The following LHFPL5 variants were observed in gnomAD, a reference collection of about 807,000 sequenced individuals.
The protein encoded by LHFPL5 is LHFPL tetraspan subfamily member 5 protein.
Under a neutral mutation model 18.7 loss-of-function variants are expected in LHFPL5, and 12 were observed. The ratio of observed to expected loss-of-function variants is 0.64; its 90% CI spans 0.41 to 1.04. The LOEUF is 1.04. LHFPL5 is among the 50% of genes least tolerant of loss of function. The pLI, the probability that LHFPL5 is intolerant of heterozygous loss-of-function variation, is 0.00. For synonymous variants in LHFPL5, 111 were observed against 120.2 expected, an observed-to-expected ratio of 0.92 and a Z score of 0.50; for missense variants, 259 against 292.1, an observed-to-expected ratio of 0.89 and a Z score of 0.83.
chr6:35,818,643 T>TCGGG, intron 2 of LHFPL5, among the ~76,000 whole-genome samples: 1 of 150,982 alleles, frequency 6.6e-6, no homozygotes, highest in Non-Finnish European at 1.5e-5. Flanking sequence ...AGCCACTGCA[T>TCGGG]CCAGCTTGTT....
Position 35,814,799 on chromosome 6 carries a change from A to G in LHFPL5, c.649+17A>G, listed in dbSNP as rs199633567. The stretch of plus-strand genomic sequence containing the variant: ...ATGGAACCGGTAATCACCCAACTCC[A>G]CAATGGTGTCCCCTGCCTGGAGACC... On this transcript the variant is annotated intron_variant, in intron 2 of 3. Coordinates refer to ENST00000360215, the MANE Select transcript of LHFPL5 (RefSeq NM_182548.4). The surrounding 1 kb of genome is among the most constrained non-coding windows in gnomAD (Gnocchi z 4.2). 7.4e-5 allele frequency: 119 copies of G among 1,604,566 alleles called. No individual in the cohort carries two copies. The highest frequency in any genetic ancestry group is 9.6e-5 in the Non-Finnish European group (113 of 1,171,506).
At position 35,814,577 on chromosome 6, in the gene LHFPL5, C is replaced by A; in HGVS notation, c.444C>A (p.Tyr148Ter). ...ATGLMIGCLV[Y>*]PDGWDSSEVR... is the part of the protein sequence containing the mutation. ...GCCTAATGATTGGCTGCCTGGTCTACCCTGATGGTTGGGACTCAAGTGAGG... is the reference window on the plus strand; with the variant it reads ...GCCTAATGATTGGCTGCCTGGTCTAACCTGATGGTTGGGACTCAAGTGAGG... Residue 148 changes from tyrosine (Y) to a stop codon, truncating the protein, a stop_gained, in exon 2 of 4, where the codon TAC becomes TAA. Transcript: ENST00000360215. LOFTEE classifies it high-confidence loss of function. The surrounding 1 kb of genome is among the most constrained non-coding windows in gnomAD (Gnocchi z 4.2). 6.2e-7 allele frequency: 1 copy of A among 1,614,188 alleles called. No homozygotes were observed. Among genetic ancestry groups the A allele is most frequent in the South Asian group, 1.1e-5 (1 of 91,088 alleles).
chr6:35,805,660 C>T lies in LHFPL5; in HGVS notation c.-11C>T. 1 of 1,613,864 alleles carries T rather than the reference C, an allele frequency of 6.2e-7. No homozygotes were observed. Among genetic ancestry groups the T allele is most frequent in the Non-Finnish European group, 8.5e-7 (1 of 1,179,866 alleles). ...CCACGGGACCCCAGCCCAGGGCCTG[C>T]TGCCCTCACCATGGTGAAATTGCTG... On this transcript the variant is annotated 5_prime_UTR_variant, in exon 1 of 4. Coordinates refer to ENST00000360215, the MANE Select transcript of LHFPL5 (RefSeq NM_182548.4). The surrounding 1 kb of genome is among the most constrained non-coding windows in gnomAD (Gnocchi z 4.3).
At chr6:35,808,063 C>T (rs1244116316) in intron 1 of LHFPL5, among the ~76,000 whole-genome samples, 1 of 151,964 alleles carries the variant, frequency 6.6e-6, no homozygotes, top group Non-Finnish European at 1.5e-5. Context: ...ATCCCCTTGC[C>T]ACCTCCCTGT....
In LHFPL5 at chr6:35,818,344, TATATG is replaced by T. The variant is rs1561955693; in HGVS notation, c.650-1092_650-1088del. Among the ~76,000 whole-genome samples the T allele has an allele frequency of 2.0e-3, 14 of 6,848 alleles. 1 individual carries two copies. The highest frequency in any genetic ancestry group is 2.9e-3 in the Non-Finnish European group (7 of 2,394). The allele number at this position is 6,848 out of a possible 152,430, so 4.5% of individuals were successfully genotyped here. A position where few individuals can be genotyped will look rare whatever the true frequency, so the allele number is the denominator to read the frequency against. On this transcript the variant is annotated intron_variant, in intron 2 of 3. Transcript: ENST00000360215. The stretch of plus-strand genomic sequence containing the variant: ...CCATATATATATATATATATATATA[TATATG>T]TATTTTTTTTTTTTTTTTTTTTTTT...
chr6:35,807,671 A>C (rs1028862165), intron 1 of LHFPL5, among the ~76,000 whole-genome samples: 3 of 152,168 alleles, frequency 2.0e-5, no homozygotes, highest in African/African-American at 7.2e-5. Context: ...GGGACCCCAG[A>C]GAGCTATATC....
At chr6:35,822,125 G>A (rs1411859244) in intron 3 of LHFPL5, among the ~76,000 whole-genome samples, 2 of 151,950 alleles carry the variant, frequency 1.3e-5, no homozygotes, top group Non-Finnish European at 2.9e-5. Flanking sequence ...CTGGGTTCAA[G>A]TCATCCTCCT....
At chr6:35,818,335 A>ATTTTTTTTT (rs1561955498) in intron 2 of LHFPL5, among the ~76,000 whole-genome samples, 1 of 7,658 alleles carries the variant, frequency 1.3e-4, no homozygotes, top group Non-Finnish European at 4.6e-4. Context: ...ATATATATAT[A>ATTTTTTTTT]TATATATATA....
chr6:35,807,262 A>AAAT (rs71540124), intron 1 of LHFPL5, among the ~76,000 whole-genome samples: 1 of 140,062 alleles, frequency 7.1e-6, no homozygotes, highest in South Asian at 2.3e-4. Context: ...CTGTCTCTAA[A>AAAT]AATAATAATA....
chr6:35,815,465 G>A (rs369639294), intron 2 of LHFPL5, among the ~76,000 whole-genome samples: 152 of 152,142 alleles, frequency 1.0e-3, no homozygotes, highest in African/African-American at 3.6e-3. Flanking sequence ...TGCCTGTCTT[G>A]GGCTAATTTT....
chr6:35,810,947 T>A lies in LHFPL5; in HGVS notation c.413-3599T>A, dbSNP rs571022029. On this transcript the variant is annotated intron_variant, in intron 1 of 3. Coordinates refer to ENST00000360215, the MANE Select transcript of LHFPL5 (RefSeq NM_182548.4). ...ATCTTGGTGGCTTAGAACAACGGTT[T>A]ATGTATTTCTTGCTTATGGTCCGTG... Among the ~76,000 whole-genome samples, 12 of 152,304 alleles carry A rather than the reference T, an allele frequency of 7.9e-5. No homozygotes were observed. In the South Asian group the frequency reaches 1.9e-3, roughly 24 times the overall value.
intron 1 of LHFPL5, among the ~76,000 whole-genome samples, chr6:35,810,473 T>C (rs550024886): frequency 6.6e-6 from 1 of 152,050 alleles, no homozygotes; most frequent in African/African-American, 2.4e-5. Flanking sequence ...TCCCAGCATT[T>C]TGGGAGGCCG....
At chr6:35,815,826 A>C (rs905917399) in intron 2 of LHFPL5, among the ~76,000 whole-genome samples, 6 of 152,120 alleles carry the variant, frequency 3.9e-5, no homozygotes, top group African/African-American at 1.4e-4. Context: ...GATAGGAAAC[A>C]TTTCATCCTT....
chr6:35,821,414 C>T (rs1448816124), intron 3 of LHFPL5, among the ~76,000 whole-genome samples: 1 of 151,088 alleles, frequency 6.6e-6, no homozygotes, highest in East Asian at 1.9e-4. Context: ...AAACAGGAAT[C>T]ACATTTTGCA....
intron 2 of LHFPL5, among the ~76,000 whole-genome samples, chr6:35,819,063 C>T (rs565324895): frequency 6.6e-6 from 1 of 152,058 alleles, no homozygotes; most frequent in East Asian, 2.0e-4. Context: ...GAACTCCTGG[C>T]CTCAAGTGAT....
At chr6:35,813,306 C>T (rs940400032) in intron 1 of LHFPL5, among the ~76,000 whole-genome samples, 9 of 123,096 alleles carry the variant, frequency 7.3e-5, no homozygotes, top group Non-Finnish European at 1.3e-4. Context: ...AGTGCAGGGG[C>T]GCCATCTCGG....
chr6:35,805,472 C>A lies in LHFPL5; in HGVS notation c.-199C>A. 1 of 606,616 alleles carries A rather than the reference C, an allele frequency of 1.6e-6. No individual in the cohort carries two copies. Among genetic ancestry groups the A allele is most frequent in the Non-Finnish European group, 2.9e-6 (1 of 340,528 alleles). 37.6% of individuals were successfully genotyped at this position (606,616 alleles called of 1,614,324 possible). On this transcript the variant is annotated 5_prime_UTR_variant, in exon 1 of 4. Transcript: ENST00000360215. This position sits in a 1 kb window ranked among gnomAD's most constrained non-coding sequence, Gnocchi z 4.3. ...GGCTAGAGCGGACACAGGCACCTGG[C>A]AAGCTTTCCTTGACCAAATCAAGGT...
chr6:35,805,620 C>T lies in LHFPL5; in HGVS notation c.-51C>T. On this transcript the variant is annotated 5_prime_UTR_variant, in exon 1 of 4. Transcript: ENST00000360215. The surrounding 1 kb of genome is among the most constrained non-coding windows in gnomAD (Gnocchi z 4.3). ...TGCTTCTAGGCCTCCATCCACAAAGCTACGGACTTGCAGCCCACGGGACCC... is the reference window on the plus strand; with the variant it reads ...TGCTTCTAGGCCTCCATCCACAAAGTTACGGACTTGCAGCCCACGGGACCC... 6.2e-7 allele frequency: 1 copy of T among 1,602,892 alleles called. No individual in the cohort carries two copies. Among genetic ancestry groups the T allele is most frequent in the Admixed American group, 1.7e-5 (1 of 59,942 alleles).
intron 2 of LHFPL5, among the ~76,000 whole-genome samples, chr6:35,818,336 TATATATATA>T (rs1214355877): frequency 0.013 from 149 of 11,728 alleles, 9 homozygotes; most frequent in Middle Eastern, 0.05. Context: ...TATATATATA[TATATATATA>T]TATGTATTTT....
Sources: allele counts gnomAD v4.1 joint callset (sites outside exome capture counted in the v4.1 genomes callset), GRCh38; gene constraint gnomAD v4.1.1; non-coding constraint Gnocchi (gnomAD v3.1); transcripts MANE v1.5; gene names NCBI Gene and HGNC (gene_info 2026-07-23, HGNC 2026-07-21).